EYS: variants seen among roughly 807,000 people sequenced by gnomAD.
The protein encoded by EYS is EGF-like photoreceptor maintenance factor, also known as protein eyes shut homolog.
Under a neutral mutation model 282.1 loss-of-function variants are expected in EYS, and 250 were observed. That is an observed-to-expected ratio of 0.89 (90% CI 0.80 to 0.98). EYS has a LOEUF of 0.98. Ranked by LOEUF, EYS falls within the 50% of genes least tolerant of loss-of-function variation. EYS has a pLI of 0.00. For missense variants in EYS, 4,016 were observed against 3,709.0 expected, an observed-to-expected ratio of 1.08 and a Z score of -2.15; for synonymous variants, 1,355 against 1,282.9, an observed-to-expected ratio of 1.06 and a Z score of -1.20.
rs921058382 is a variant in EYS at position 65,343,924 on chromosome 6, C to T, written c.1599+114G>A. On this transcript the variant is annotated intron_variant, in intron 10 of 42. Transcript: ENST00000503581. ...CGAAGTTATATTTAAACTATGCAAACTATATATTTTGAATATTTAAGAATC... is the reference window on the plus strand; with the variant it reads ...CGAAGTTATATTTAAACTATGCAAATTATATATTTTGAATATTTAAGAATC... 1.6e-5 allele frequency: 14 copies of T among 897,088 alleles called. No homozygotes were observed. In the Admixed American group the frequency reaches 2.7e-4, roughly 17 times the overall value. 55.6% of individuals were successfully genotyped at this position (897,088 alleles called of 1,614,324 possible). A position where few individuals can be genotyped will look rare whatever the true frequency, so the allele number is the denominator to read the frequency against.
intron 28 of EYS, among the ~76,000 whole-genome samples, chr6:64,416,635 T>A (rs1774066916): frequency 6.6e-6 from 1 of 152,106 alleles, no homozygotes; most frequent in South Asian, 2.1e-4. Context: ...TTAATGTTTA[T>A]CACTCACCAT....
chr6:64,605,963 C>A (rs899608417), intron 24 of EYS, among the ~76,000 whole-genome samples: 10 of 151,940 alleles, frequency 6.6e-5, no homozygotes, highest in Non-Finnish European at 1.5e-4. Context: ...ACATTTATTT[C>A]ATGAAACATC....
chr6:65,377,381 A>G (rs1243988820), intron 8 of EYS, among the ~76,000 whole-genome samples: 1 of 152,228 alleles, frequency 6.6e-6, no homozygotes, highest in Non-Finnish European at 1.5e-5. Flanking sequence ...AGCACTATTT[A>G]CAGGGAAATT....
intron 22 of EYS, among the ~76,000 whole-genome samples, chr6:64,748,536 A>G (rs151317486): frequency 6.6e-6 from 1 of 152,276 alleles, no homozygotes; most frequent in African/African-American, 2.4e-5. Flanking sequence ...CAAACACTTA[A>G]CCTAAAGAAA....
chr6:65,126,875 A>C (rs1389304965), intron 12 of EYS, among the ~76,000 whole-genome samples: 1 of 152,084 alleles, frequency 6.6e-6, no homozygotes, highest in Non-Finnish European at 1.5e-5. Flanking sequence ...ATCTCAACTC[A>C]TACCTCTCAG....
chr6:64,837,984 TA>T (rs1187321297), intron 19 of EYS, among the ~76,000 whole-genome samples: 1 of 151,718 alleles, frequency 6.6e-6, no homozygotes, highest in African/African-American at 2.4e-5. Context: ...AAACTGCACT[TA>T]TATCTCTTAA....
intron 11 of EYS, chr6:65,329,345 A>G: frequency 1.2e-6 from 1 of 846,608 alleles, no homozygotes; most frequent in Non-Finnish European, 1.4e-6. Flanking sequence ...TAATACAATG[A>G]TATGTACTCT....
chr6:65,395,178 C>T (rs994452273), intron 7 of EYS, among the ~76,000 whole-genome samples: 1 of 152,202 alleles, frequency 6.6e-6, no homozygotes, highest in Admixed American at 6.5e-5. Context: ...ATTCTCCTGC[C>T]TCAGCCTCCC....
chr6:65,108,824 T>C (rs1404126161), intron 12 of EYS, among the ~76,000 whole-genome samples: 1 of 152,176 alleles, frequency 6.6e-6, no homozygotes, highest in Admixed American at 6.6e-5. Context: ...ATTATATATA[T>C]GTTGGACATT....
intron 24 of EYS, among the ~76,000 whole-genome samples, chr6:64,593,841 C>T (rs548064455): frequency 5.0e-4 from 76 of 152,078 alleles, no homozygotes; most frequent in Middle Eastern, 3.4e-3. Context: ...CTACCATATC[C>T]TATAAAATAG....
chr6:64,246,085 C>G (rs1019624531), intron 30 of EYS, among the ~76,000 whole-genome samples: 1 of 145,984 alleles, frequency 6.9e-6, no homozygotes, highest in Non-Finnish European at 1.5e-5. Context: ...GTCCATTAAC[C>G]TCCATATCCA....
chr6:65,394,384 A>G (rs1398695447), intron 7 of EYS, among the ~76,000 whole-genome samples: 2 of 152,120 alleles, frequency 1.3e-5, no homozygotes, highest in African/African-American at 4.8e-5. Flanking sequence ...GTCAGGTCAC[A>G]ATGACTTTCC....
At chr6:64,718,687 AT>A (rs1210244535) in intron 22 of EYS, among the ~76,000 whole-genome samples, 1 of 152,202 alleles carries the variant, frequency 6.6e-6, no homozygotes, top group South Asian at 2.1e-4. Context: ...TTCAGGTAAC[AT>A]GATCCTCTTC....
chr6:64,866,047 A>C (rs190959877), intron 19 of EYS, among the ~76,000 whole-genome samples: 21 of 152,150 alleles, frequency 1.4e-4, no homozygotes, highest in African/African-American at 4.8e-4. Context: ...ATTATGATTT[A>C]TTACCAGAAA....
chr6:65,560,741 G>A (rs1309584397), intron 2 of EYS, among the ~76,000 whole-genome samples: 2 of 151,896 alleles, frequency 1.3e-5, no homozygotes, highest in Non-Finnish European at 2.9e-5. Context: ...GTAATATAAT[G>A]AATATACAAA....
intron 35 of EYS, among the ~76,000 whole-genome samples, chr6:63,886,965 G>T (rs2149722038): frequency 6.6e-6 from 1 of 152,204 alleles, no homozygotes; most frequent in African/African-American, 2.4e-5. Context: ...TTTTGCTAAT[G>T]GAATATAATT....
chr6:64,076,046 T>G (rs1240062571), intron 32 of EYS, among the ~76,000 whole-genome samples: 1 of 151,942 alleles, frequency 6.6e-6, no homozygotes, highest in Non-Finnish European at 1.5e-5. Context: ...CTTGTGCAGC[T>G]TGCAAACATA....
chr6:65,539,459 C>A (rs545350836), intron 2 of EYS, among the ~76,000 whole-genome samples: 1 of 152,070 alleles, frequency 6.6e-6, no homozygotes, highest in East Asian at 1.9e-4. Flanking sequence ...TATATTGGAC[C>A]GATTCATTGA....
chr6:64,694,100 TA>T (rs1343328580), intron 22 of EYS, among the ~76,000 whole-genome samples: 1 of 152,142 alleles, frequency 6.6e-6, no homozygotes, highest in Admixed American at 6.5e-5. Context: ...TGTTCAAACT[TA>T]AAAGTTAAAT....
Sources: allele counts gnomAD v4.1 joint callset (sites outside exome capture counted in the v4.1 genomes callset), GRCh38; gene constraint gnomAD v4.1.1; transcripts MANE v1.5; gene names NCBI Gene and HGNC (gene_info 2026-07-23, HGNC 2026-07-21).